MAVS: variants seen among roughly 807,000 people sequenced by gnomAD.
The protein encoded by MAVS is mitochondrial antiviral signaling protein, also known as mitochondrial antiviral-signaling protein.
Under a neutral mutation model 30.2 loss-of-function variants are expected in MAVS, and 20 were observed. That is an observed-to-expected ratio of 0.66 (90% confidence interval 0.47 to 0.96). The LOEUF (loss-of-function observed/expected upper bound fraction) is 0.96. MAVS is among the 40% of genes least tolerant of loss of function. The pLI is 0.00. For missense variants in MAVS, 624 were observed against 701.1 expected (o/e 0.89, Z 1.24); for synonymous variants, 278 against 293.9 (o/e 0.95, Z 0.55).
At position 3,871,886 on chromosome 20, in the gene MAVS, T is replaced by C. The variant is rs147121697; in HGVS notation, c.*5739T>C. On this transcript the variant is annotated 3_prime_UTR_variant, in exon 7 of 7. Transcript: ENST00000428216. ...ACAGCAACAGCAATAATAATAAGGG[T>C]TACAACTTACTCCATACCTTACTGT... The C allele has an allele frequency of 6.6e-6, 1 of 152,282 alleles. No individual in the cohort carries two copies. The highest frequency in any genetic ancestry group is 2.4e-5 in the African/African-American group (1 of 41,426). The allele number at this position is 152,282 out of a possible 1,614,324, so 9.4% of individuals were successfully genotyped here. A position where few individuals can be genotyped will look rare whatever the true frequency, so the allele number is the denominator to read the frequency against.
rs1332477266 is a variant in MAVS at position 3,874,430 on chromosome 20, A to G, written c.*8283A>G. 1 of 390,674 alleles carries G rather than the reference A, an allele frequency of 2.6e-6. No individual in the cohort carries two copies. Among genetic ancestry groups the G allele is most frequent in the Non-Finnish European group, 4.5e-6 (1 of 221,320 alleles). The allele number at this position is 390,674 out of a possible 1,614,324, so 24.2% of individuals were successfully genotyped here. On this transcript the variant is annotated 3_prime_UTR_variant, in exon 7 of 7. Coordinates refer to ENST00000428216, the MANE Select transcript of MAVS (RefSeq NM_020746.5). ...GAGAGGCCATTTGGTCAAAGTTTGCAAAGGAGTCAGCCATGATTGCTTGTA... is the reference window on the plus strand; with the variant it reads ...GAGAGGCCATTTGGTCAAAGTTTGCGAAGGAGTCAGCCATGATTGCTTGTA...
Position 3,854,562 on chromosome 20 carries a change from G to A in MAVS, c.-63G>A, listed in dbSNP as rs913884497. ...GTGTGATCTGTTTTCTTCCAGTCTCGTTTCCTCTCAGTCCATCCACCCTTC... is the reference window on the plus strand; with the variant it reads ...GTGTGATCTGTTTTCTTCCAGTCTCATTTCCTCTCAGTCCATCCACCCTTC... On this transcript the variant is annotated 5_prime_UTR_variant, in exon 2 of 7. Transcript: ENST00000428216. 20 of 1,174,276 alleles carry A rather than the reference G, an allele frequency of 1.7e-5. 2 individuals carry two copies. Among genetic ancestry groups the A allele is most frequent in the South Asian group, 1.6e-4 (12 of 74,322 alleles). 72.7% of individuals were successfully genotyped at this position (1,174,276 alleles called of 1,614,324 possible).
rs373591093 is a variant in MAVS at position 3,869,599 on chromosome 20, CT to C, written c.*3462del. On this transcript the variant is annotated 3_prime_UTR_variant, in exon 7 of 7. Transcript: ENST00000428216. ...GAGACACTGCACCCAAACCCCACCACTTTTTTTTTTCCTTTTTCTTTTTTTG... is the reference window on the plus strand; with the variant it reads ...GAGACACTGCACCCAAACCCCACCACTTTTTTTTTCCTTTTTCTTTTTTTG... 9.7e-4 allele frequency: 144 copies of C among 148,966 alleles called. No homozygotes were observed. The highest frequency in any genetic ancestry group is 3.2e-3 in the African/African-American group (131 of 40,710). 9.2% of individuals were successfully genotyped at this position (148,966 alleles called of 1,614,324 possible).
Position 3,870,685 on chromosome 20 carries a change from A to T in MAVS, c.*4538A>T, listed in dbSNP as rs2089948305. ...AAAAAAAAAAAAAAAAATCTAGGAG[A>T]TGCTCTTTACCCTGCCTGGCCTCAA... On this transcript the variant is annotated 3_prime_UTR_variant, in exon 7 of 7. Transcript: ENST00000428216. 1 of 137,380 alleles carries T rather than the reference A, an allele frequency of 7.3e-6. No homozygotes were observed. The highest frequency in any genetic ancestry group is 1.5e-5 in the Non-Finnish European group (1 of 64,800). The allele number at this position is 137,380 out of a possible 1,614,324, so 8.5% of individuals were successfully genotyped here.
chr20:3,865,237 C>T lies in MAVS; in HGVS notation c.1159-446C>T, dbSNP rs375029470. Among the ~76,000 whole-genome samples the T allele has an allele frequency of 1.3e-5, 2 of 152,210 alleles. No individual in the cohort carries two copies. The highest frequency in any genetic ancestry group is 1.5e-5 in the Non-Finnish European group (1 of 68,046). On this transcript the variant is annotated intron_variant, in intron 6 of 6. Coordinates refer to ENST00000428216, the MANE Select transcript of MAVS (RefSeq NM_020746.5). The surrounding 1 kb of genome is among the most constrained non-coding windows in gnomAD (Gnocchi z 4.7). The stretch of plus-strand genomic sequence containing the variant: ...CGCAGTCCCACCTGGAGCAGCCACT[C>T]GGACCCAGCAGCCCCCCATTGTTGC...
chr20:3,857,252 A>T (rs939989365), intron 2 of MAVS, among the ~76,000 whole-genome samples: 1 of 152,112 alleles, frequency 6.6e-6, no homozygotes, highest in Non-Finnish European at 1.5e-5. Flanking sequence ...AGGCTTTTGT[A>T]TCAGATTAAC....
intron 4 of MAVS, 109 bp downstream of exon 4, chr20:3,861,613 A>C (rs2089868148): frequency 8.3e-7 from 1 of 1,207,500 alleles, no homozygotes; most frequent in Admixed American, 2.6e-5. Flanking sequence ...AATCACGCCT[A>C]ATCTCTGCTC....
Position 3,866,124 on chromosome 20 carries a change from C to T in MAVS, c.1600C>T (p.Leu534=). The T allele has an allele frequency of 6.3e-7, 1 of 1,598,710 alleles. No homozygotes were observed. Among genetic ancestry groups the T allele is most frequent in the Non-Finnish European group, 8.5e-7 (1 of 1,174,010 alleles). Residue 534 remains leucine (L), a synonymous_variant, in exon 7 of 7, where the codon CTG becomes TTG. Transcript: ENST00000428216. ...GVLVVTLLVV[L]YRRRLH ...GCTGGTAGTCACACTCCTGGTGGTG[C>T]TGTACCGGCGGCGTCTGCACTAGTG...
chr20:3,857,807 C>T lies in MAVS; in HGVS notation c.290C>T (p.Pro97Leu), dbSNP rs367892824. Reference sequence around the variant, plus strand: ...GCCTCTGTCTACCAGAGCTACCAGCCTCGTGAGCGTCCTGCCCTTGCCCTC... The same window carrying T: ...GCCTCTGTCTACCAGAGCTACCAGCTTCGTGAGCGTCCTGCCCTTGCCCTC... Reference protein sequence around the residue: ...EVASVYQSYQPRTSDRPPDPL... With the variant: ...EVASVYQSYQLRTSDRPPDPL... The change falls in exon 3 of 7, where the codon CCT becomes CTT. Residue 97 changes from proline to leucine, a missense_variant and splice_region_variant. By Grantham distance (98) the Pro-to-Leu change is moderately conservative. Transcript: ENST00000428216. The T allele has an allele frequency of 4.2e-5, 67 of 1,614,080 alleles. No individual in the cohort carries two copies. Among genetic ancestry groups the T allele is most frequent in the South Asian group, 8.8e-5 (8 of 91,086 alleles).
At position 3,866,295 on chromosome 20, in the gene MAVS, C is replaced by T; in HGVS notation, c.*148C>T. On this transcript the variant is annotated 3_prime_UTR_variant, in exon 7 of 7. Transcript: ENST00000428216. ...ACTGCAGGCCTGGCAGCAGGACATG[C>T]CTTGGCTGAACCAAGTCCTGAGAGC... The T allele has an allele frequency of 1.3e-6, 1 of 765,954 alleles. No individual in the cohort carries two copies. The highest frequency in any genetic ancestry group is 1.9e-5 in the South Asian group (1 of 52,126). The allele number at this position is 765,954 out of a possible 1,614,324, so 47.4% of individuals were successfully genotyped here.
intron 1 of MAVS, among the ~76,000 whole-genome samples, chr20:3,848,360 A>C (rs540135380): frequency 2.0e-5 from 3 of 152,106 alleles, no homozygotes; most frequent in South Asian, 2.1e-4. Context: ...CGGCCTCCCA[A>C]AGTGCTGGGA....
intron 2 of MAVS, among the ~76,000 whole-genome samples, chr20:3,856,955 G>A (rs2089816430): frequency 6.7e-6 from 1 of 150,110 alleles, no homozygotes; most frequent in African/African-American, 2.5e-5. Flanking sequence ...AGAATCGCTT[G>A]AACTCAGGAG....
In MAVS at chr20:3,861,423, C is replaced by A; in HGVS notation, c.384C>A (p.Ile128=). The change falls in exon 4 of 7, where the codon ATC becomes ATA. Residue 128 remains isoleucine, a synonymous_variant. Transcript: ENST00000428216. ...GPPTPAAAHS[I]PYNSCREKEP... ...CCACACCTGCTGCGGCCCACAGCAT[C>A]CCCTACAACAGCTGCAGAGAGAAGG... is the stretch of plus-strand genomic sequence containing the variant. The A allele has an allele frequency of 6.2e-7, 1 of 1,614,102 alleles. No homozygotes were observed. The highest frequency in any genetic ancestry group is 8.5e-7 in the Non-Finnish European group (1 of 1,180,000).
Position 3,854,628 on chromosome 20 carries a change from C to A in MAVS, c.4C>A (p.Pro2Thr). Residue 2 changes from proline to threonine, a missense_variant, in exon 2 of 7, where the codon CCG (proline) becomes ACG (threonine). Transcript: ENST00000428216. Reference protein sequence around the residue: MPFAEDKTYKYI... With the variant: MTFAEDKTYKYI... ...TCTCTCCAGAATCTGAGCAGCAATG[C>A]CGTTTGCTGAAGACAAGACCTATAA... is the stretch of plus-strand genomic sequence containing the variant. 6.2e-7 allele frequency: 1 copy of A among 1,610,328 alleles called. No homozygotes were observed. The highest frequency in any genetic ancestry group is 2.2e-5 in the East Asian group (1 of 44,814).
chr20:3,874,915 T>C lies in MAVS; in HGVS notation c.*8768T>C, dbSNP rs2089980471. ...GCTGCCTACACCCCCCTAGGGTCAGTGGCGCCTGCCTGTGAGGGTGAGCCC... is the reference window on the plus strand; with the variant it reads ...GCTGCCTACACCCCCCTAGGGTCAGCGGCGCCTGCCTGTGAGGGTGAGCCC... On this transcript the variant is annotated 3_prime_UTR_variant, in exon 7 of 7. Coordinates refer to ENST00000428216, the MANE Select transcript of MAVS (RefSeq NM_020746.5). The C allele has an allele frequency of 6.6e-6, 1 of 152,364 alleles. No homozygotes were observed. Among genetic ancestry groups the C allele is most frequent in the African/African-American group, 2.4e-5 (1 of 41,450 alleles). 9.4% of individuals were successfully genotyped at this position (152,364 alleles called of 1,614,324 possible).
chr20:3,850,479 A>G (rs1462548760), intron 1 of MAVS, among the ~76,000 whole-genome samples: 1 of 150,278 alleles, frequency 6.7e-6, no homozygotes, highest in East Asian at 2.0e-4. Flanking sequence ...AATCCCAGCT[A>G]CTTGGGAGGC....
chr20:3,860,166 C>G (rs181286678), intron 3 of MAVS, among the ~76,000 whole-genome samples: 2 of 152,120 alleles, frequency 1.3e-5, no homozygotes, highest in Admixed American at 6.5e-5. Context: ...GCTTTTGGAC[C>G]TATGGGTGGG....
At chr20:3,854,130 A>C (rs1238249111) in intron 1 of MAVS, among the ~76,000 whole-genome samples, 2 of 151,806 alleles carry the variant, frequency 1.3e-5, no homozygotes, top group Non-Finnish European at 2.9e-5. Flanking sequence ...AAAATAAAAC[A>C]AAACAAAAAC....
chr20:3,870,219 A>G lies in MAVS; in HGVS notation c.*4072A>G, dbSNP rs1202147673. 1 of 152,336 alleles carries G rather than the reference A, an allele frequency of 6.6e-6. No individual in the cohort carries two copies. The highest frequency in any genetic ancestry group is 6.5e-5 in the Admixed American group (1 of 15,278). The allele number at this position is 152,336 out of a possible 1,614,324, so 9.4% of individuals were successfully genotyped here. A position where few individuals can be genotyped will look rare whatever the true frequency, so the allele number is the denominator to read the frequency against. Reference sequence around the variant, plus strand: ...CCACCCATCCTTGGGGACCTGAGAAAGCGTACTTCACCTTGGGGTGAAGGC... The same window carrying G: ...CCACCCATCCTTGGGGACCTGAGAAGGCGTACTTCACCTTGGGGTGAAGGC... On this transcript the variant is annotated 3_prime_UTR_variant, in exon 7 of 7. Transcript: ENST00000428216.
Sources: allele counts gnomAD v4.1 joint callset (sites outside exome capture counted in the v4.1 genomes callset), GRCh38; gene constraint gnomAD v4.1.1; non-coding constraint Gnocchi (gnomAD v3.1); transcripts MANE v1.5; gene names NCBI Gene and HGNC (gene_info 2026-07-23, HGNC 2026-07-21).